SNX10: variants seen among roughly 807,000 people sequenced by gnomAD.
SNX10 encodes sorting nexin 10.
In SNX10, 25 loss-of-function variants were observed where a neutral mutation model predicts 28.5. The observed-to-expected ratio is 0.88, with a 90% CI of 0.64 to 1.22. SNX10 has a LOEUF of 1.22. Ranked by LOEUF, SNX10 falls within the 50% of genes most tolerant of loss-of-function variation. The pLI is 0.00. For synonymous variants in SNX10, 62 were observed against 81.4 expected (o/e 0.76, Z 1.28); for missense variants, 223 against 242.6 (o/e 0.92, Z 0.54).
intron 1 of SNX10, among the ~76,000 whole-genome samples, chr7:26,317,820 G>A (rs890056259): frequency 6.6e-6 from 1 of 151,916 alleles, no homozygotes; most frequent in Admixed American, 6.6e-5. Context: ...ATACTACCAC[G>A]CCCAGCTAAT....
intron 5 of SNX10, chr7:26,370,637 T>A (rs770781391): frequency 6.6e-6 from 1 of 152,204 alleles, no homozygotes; most frequent in African/African-American, 2.4e-5. Context: ...TTTGGTATTA[T>A]AATGACCTTG....
chr7:26,343,214 T>C lies in SNX10; in HGVS notation c.-23-3206T>C, dbSNP rs74904027. Among the ~76,000 whole-genome samples the C allele has an allele frequency of 3.4e-3, 517 of 152,282 alleles. 2 individuals are homozygous for C. The highest frequency in any genetic ancestry group is 6.0e-3 in the Non-Finnish European group (409 of 68,012). ...CTGGCTGGGAAAAGCTCAAGCCCTT[T>C]GGGGAAATTTAAGACCCCAACTTTG... is the stretch of plus-strand genomic sequence containing the variant. On this transcript the variant is annotated intron_variant, in intron 1 of 6. Transcript: ENST00000338523.
intron 1 of SNX10, among the ~76,000 whole-genome samples, chr7:26,301,651 A>C (rs561808536): frequency 6.6e-6 from 1 of 152,210 alleles, no homozygotes; most frequent in South Asian, 2.1e-4. Context: ...GGAAACATCT[A>C]TTTAGTACTC....
At chr7:26,309,374 A>G (rs932730666) in intron 1 of SNX10, among the ~76,000 whole-genome samples, 6 of 151,954 alleles carry the variant, frequency 3.9e-5, no homozygotes, top group Non-Finnish European at 8.8e-5. Flanking sequence ...CATCCAAAAA[A>G]AAAAAAAAAA....
At chr7:26,313,270 C>A (rs1786924392) in intron 1 of SNX10, among the ~76,000 whole-genome samples, 1 of 152,214 alleles carries the variant, frequency 6.6e-6, no homozygotes, top group Non-Finnish European at 1.5e-5. Flanking sequence ...ACCCTCTTAA[C>A]AAACTTTCCA....
chr7:26,325,408 G>T, intron 1 of SNX10, among the ~76,000 whole-genome samples: 1 of 146,242 alleles, frequency 6.8e-6, no homozygotes, highest in Non-Finnish European at 1.5e-5. Context: ...CAGCCTCCCA[G>T]GTTCAAGCAA....
chr7:26,354,316 GTTTTCTAATTGAATTCTA>G, intron 2 of SNX10: 1 of 152,104 alleles, frequency 6.6e-6, no homozygotes, highest in South Asian at 2.1e-4. Flanking sequence ...TCTTTTGCTT[GTTTTCTAATTGAATTCTA>G]TTTTTTAAAT....
intron 1 of SNX10, among the ~76,000 whole-genome samples, chr7:26,345,478 C>T (rs73683290): frequency 0.081 from 12,348 of 152,174 alleles, 836 homozygotes; most frequent in East Asian, 0.27. Flanking sequence ...TGCTGCTGCT[C>T]GGGTGCAGCT....
intron 1 of SNX10, among the ~76,000 whole-genome samples, chr7:26,310,177 C>G (rs2127997000): frequency 6.6e-6 from 1 of 152,322 alleles, no homozygotes; most frequent in Non-Finnish European, 1.5e-5. Flanking sequence ...CACAGGTGGG[C>G]TGGCCCGAGA....
rs1789555205 is a variant in SNX10, at chr7:26,371,828, CA to C, written c.320del (p.Gln107ArgfsTer19). The C allele has an allele frequency of 1.2e-6, 2 of 1,609,282 alleles. No homozygotes were observed. Among genetic ancestry groups the C allele is most frequent in the Non-Finnish European group, 1.7e-6 (2 of 1,176,216 alleles). On this transcript the variant is annotated frameshift_variant, in exon 6 of 7. Coordinates refer to ENST00000338523, the MANE Select transcript of SNX10 (RefSeq NM_013322.3). LOFTEE classifies it high-confidence loss of function. ...CTTTTTTTTTTAATATAGAGTCCTA[CA>C]GAATGCACTTTTGCTTTCAGATAGC... ...GLEDFLRKVLQNALLLSDSSL... is the reference protein window; with the variant it reads ...GLEDFLRKVLXNALLLSDSSL...
intron 1 of SNX10, among the ~76,000 whole-genome samples, chr7:26,341,344 G>T (rs1788169111): frequency 6.6e-6 from 1 of 152,128 alleles, no homozygotes; most frequent in Admixed American, 6.5e-5. Context: ...GAAGGTAAGA[G>T]AGAAGGAGAA....
chr7:26,318,451 G>C (rs1584110314), intron 1 of SNX10, among the ~76,000 whole-genome samples: 1 of 152,016 alleles, frequency 6.6e-6, no homozygotes, highest in Admixed American at 6.6e-5. Context: ...TCAGCCAGTG[G>C]TCATACTTAT....
chr7:26,338,046 T>G (rs924149006), intron 1 of SNX10, among the ~76,000 whole-genome samples: 1 of 152,162 alleles, frequency 6.6e-6, no homozygotes, highest in African/African-American at 2.4e-5. Flanking sequence ...GTTGAGCATG[T>G]TTTCATATGT....
At chr7:26,315,131 TATTA>T (rs1420187645) in intron 1 of SNX10, among the ~76,000 whole-genome samples, 2 of 152,200 alleles carry the variant, frequency 1.3e-5, no homozygotes, top group Non-Finnish European at 2.9e-5. Flanking sequence ...AAACAAAATG[TATTA>T]ATTGGATTGG....
At chr7:26,299,166 A>G (rs1208561666) in intron 1 of SNX10, among the ~76,000 whole-genome samples, 2 of 152,130 alleles carry the variant, frequency 1.3e-5, no homozygotes, top group Non-Finnish European at 2.9e-5. Flanking sequence ...GAGATTAGAA[A>G]GGGAAAGGGA....
intron 1 of SNX10, among the ~76,000 whole-genome samples, chr7:26,328,227 C>G (rs1276183632): frequency 6.6e-6 from 1 of 152,108 alleles, no homozygotes; most frequent in Non-Finnish European, 1.5e-5. Flanking sequence ...TAAGGGCTGG[C>G]TGACCAGTTG....
chr7:26,341,840 T>C (rs1397131981), intron 1 of SNX10, among the ~76,000 whole-genome samples: 1 of 152,034 alleles, frequency 6.6e-6, no homozygotes, highest in East Asian at 1.9e-4. Context: ...TTTGGAAATC[T>C]ATACAAACCT....
intron 2 of SNX10, among the ~76,000 whole-genome samples, chr7:26,353,605 C>A (rs1367024170): frequency 6.6e-6 from 1 of 152,024 alleles, no homozygotes; most frequent in Non-Finnish European, 1.5e-5. Context: ...GTGTGTGCCA[C>A]CACACCTGGC....
chr7:26,327,053 C>T (rs749262740), intron 1 of SNX10, among the ~76,000 whole-genome samples: 1 of 149,982 alleles, frequency 6.7e-6, no homozygotes, highest in Admixed American at 6.7e-5. Flanking sequence ...TGGGTTCAAG[C>T]GGTTCTTGTG....
Sources: gnomAD v4.1 joint callset for allele counts (sites outside exome capture counted in the v4.1 genomes callset) on GRCh38, gnomAD v4.1.1 for gene constraint, MANE v1.5 for transcripts, NCBI Gene and HGNC (gene_info 2026-07-23, HGNC 2026-07-21) for gene names.